Variants in CADM1 observed in about 807,000 individuals in gnomAD.
The protein encoded by CADM1 is cell adhesion molecule 1.
In CADM1, 15 loss-of-function variants were observed where a neutral mutation model predicts 53.1. The observed-to-expected ratio is 0.28, with a 90% CI of 0.19 to 0.44. The LOEUF is 0.44. Ranked by LOEUF, CADM1 falls within the 20% of genes least tolerant of loss-of-function variation. The pLI, the probability that CADM1 is intolerant of heterozygous loss-of-function variation, is 1.00. For synonymous variants in CADM1, 281 were observed against 243.0 expected (o/e 1.16, Z -1.45); for missense variants, 434 against 611.3 (o/e 0.71, Z 3.06).
At chr11:115,474,175 C>T (rs543482953) in intron 1 of CADM1, among the ~76,000 whole-genome samples, 1 of 150,710 alleles carries the variant, frequency 6.6e-6, no homozygotes, top group South Asian at 2.1e-4. Context: ...CCTGTAGTCC[C>T]AGCTACTCTG....
chr11:115,411,839 A>T (rs1258977960), intron 1 of CADM1, among the ~76,000 whole-genome samples: 1 of 152,138 alleles, frequency 6.6e-6, no homozygotes, highest in East Asian at 1.9e-4. Context: ...AGAGTTTGAT[A>T]AAAACAAATA....
chr11:115,278,083 A>T (rs1193775966), intron 1 of CADM1, among the ~76,000 whole-genome samples: 2 of 151,902 alleles, frequency 1.3e-5, no homozygotes, highest in African/African-American at 2.4e-5. Context: ...TTCCCTCACC[A>T]CTATATCCTG....
intron 1 of CADM1, among the ~76,000 whole-genome samples, chr11:115,371,228 T>C (rs1591755749): frequency 6.6e-6 from 1 of 152,168 alleles, no homozygotes; most frequent in African/African-American, 2.4e-5. Flanking sequence ...TAAACAATAA[T>C]AATGTATTGT....
At chr11:115,375,209 CA>C (rs1186671344) in intron 1 of CADM1, among the ~76,000 whole-genome samples, 3 of 152,066 alleles carry the variant, frequency 2.0e-5, no homozygotes, top group Non-Finnish European at 4.4e-5. Context: ...ACATGATATT[CA>C]ATACACTATG....
intron 1 of CADM1, among the ~76,000 whole-genome samples, chr11:115,356,111 G>A (rs535173148): frequency 3.9e-5 from 6 of 152,160 alleles, no homozygotes; most frequent in South Asian, 2.1e-4. Context: ...GATTACAGGC[G>A]TAAGCTACCG....
At chr11:115,373,403 G>A (rs1184294442) in intron 1 of CADM1, among the ~76,000 whole-genome samples, 1 of 151,770 alleles carries the variant, frequency 6.6e-6, no homozygotes, top group Non-Finnish European at 1.5e-5. Context: ...TGGCCAACAT[G>A]GCAAAACACC....
chr11:115,490,392 ATTTTTTTTTTTT>A (rs35633504), intron 1 of CADM1, among the ~76,000 whole-genome samples: 1 of 109,330 alleles, frequency 9.1e-6, no homozygotes, highest in Non-Finnish European at 1.8e-5. Flanking sequence ...GGAAGAACAG[ATTTTTTTTTTTT>A]TTTTTTTTTT....
At chr11:115,342,975 G>A (rs189815029) in intron 1 of CADM1, among the ~76,000 whole-genome samples, 1 of 152,170 alleles carries the variant, frequency 6.6e-6, no homozygotes, top group African/African-American at 2.4e-5. Context: ...CTTACCCTAA[G>A]GAAACATTCA....
At chr11:115,208,529 C>T (rs983900075) in intron 8 of CADM1, among the ~76,000 whole-genome samples, 10 of 152,100 alleles carry the variant, frequency 6.6e-5, no homozygotes, top group African/African-American at 2.4e-4. Context: ...ACTCAGTGTT[C>T]ATAAAGAAGT....
At chr11:115,245,208 T>C (rs1942371427) in intron 1 of CADM1, among the ~76,000 whole-genome samples, 1 of 152,188 alleles carries the variant, frequency 6.6e-6, no homozygotes, top group Non-Finnish European at 1.5e-5. Flanking sequence ...ACTAATCATA[T>C]TAGGAAAACC....
intron 10 of CADM1, among the ~76,000 whole-genome samples, chr11:115,185,698 A>G (rs1939509971): frequency 6.6e-6 from 1 of 152,238 alleles, no homozygotes; most frequent in African/African-American, 2.4e-5. Flanking sequence ...ATCTCATGAT[A>G]GCACAGATTT....
chr11:115,472,820 T>C (rs1450152134), intron 1 of CADM1, among the ~76,000 whole-genome samples: 1 of 152,166 alleles, frequency 6.6e-6, no homozygotes, highest in East Asian at 1.9e-4. Flanking sequence ...GAAAAGAATA[T>C]TATACCTTGT....
At chr11:115,230,994 A>C (rs1257956687) in intron 4 of CADM1, among the ~76,000 whole-genome samples, 1 of 152,196 alleles carries the variant, frequency 6.6e-6, no homozygotes, top group African/African-American at 2.4e-5. Context: ...TGCAAAAGAC[A>C]GGGTAAAAGC....
At chr11:115,403,299 A>T (rs1321520544) in intron 1 of CADM1, among the ~76,000 whole-genome samples, 2 of 208 alleles carry the variant, frequency 9.6e-3, no homozygotes, top group Non-Finnish European at 0.02. Context: ...CAAAGGTGGA[A>T]CTGAAAAACA....
intron 1 of CADM1, among the ~76,000 whole-genome samples, chr11:115,465,236 T>C (rs890309804): frequency 6.6e-6 from 1 of 152,082 alleles, no homozygotes; most frequent in Non-Finnish European, 1.5e-5. Context: ...AAAAGACATT[T>C]TGATAACAGT....
intron 1 of CADM1, among the ~76,000 whole-genome samples, chr11:115,343,366 G>T (rs1945497277): frequency 1.3e-5 from 2 of 151,980 alleles, no homozygotes; most frequent in South Asian, 4.2e-4. Context: ...AACCCAATGG[G>T]GTAAGCACCA....
chr11:115,322,849 C>T (rs746871338), intron 1 of CADM1, among the ~76,000 whole-genome samples: 11 of 152,016 alleles, frequency 7.2e-5, no homozygotes, highest in Non-Finnish European at 1.3e-4. Context: ...GATTATGAAT[C>T]ATCCCTGCTT....
At chr11:115,221,769 A>G (rs996890406) in intron 5 of CADM1, among the ~76,000 whole-genome samples, 2 of 152,152 alleles carry the variant, frequency 1.3e-5, no homozygotes, top group Non-Finnish European at 2.9e-5. Context: ...CAGTTTCTTC[A>G]TGACTGGGAT....
chr11:115,263,891 A>G (rs1943049952), intron 1 of CADM1, among the ~76,000 whole-genome samples: 1 of 152,216 alleles, frequency 6.6e-6, no homozygotes, highest in Admixed American at 6.5e-5. Flanking sequence ...CAAAATAAGA[A>G]CAACGATAGC....
Sources: gnomAD v4.1 joint callset for allele counts (sites outside exome capture counted in the v4.1 genomes callset) on GRCh38, gnomAD v4.1.1 for gene constraint, MANE v1.5 for transcripts, NCBI Gene and HGNC (gene_info 2026-07-23, HGNC 2026-07-21) for gene names.